COL4A6: variants seen among roughly 807,000 people sequenced by gnomAD.
COL4A6 encodes the protein collagen alpha-6(IV) chain.
COL4A6 carries 59 observed loss-of-function variants against 126.7 expected under a neutral mutation model. The observed-to-expected ratio is 0.47, with a 90% CI of 0.38 to 0.58. The LOEUF (loss-of-function observed/expected upper bound fraction) is 0.58. Among genes scored for constraint, COL4A6 ranks in the 20% least tolerant of loss-of-function variants. The pLI is 0.00. For synonymous variants in COL4A6, 547 were observed against 496.6 expected (o/e 1.10, Z -1.35); for missense variants, 1,285 against 1,337.3 (o/e 0.96, Z 0.61).
At chrX:108,201,063 G>C (rs773003535) in intron 13 of COL4A6, among the ~76,000 whole-genome samples, 1 of 111,778 alleles carries the variant, frequency 8.9e-6, no homozygotes, top group Non-Finnish European at 1.9e-5. Context: ...TTAAAATCAA[G>C]TGCATTGAAC....
At position 108,191,452 on chromosome X, in the gene COL4A6, G is replaced by C. The variant is rs763491430; in HGVS notation, c.1262C>G (p.Ala421Gly). Reference sequence around the variant, plus strand: ...ACCATCTCTGCCAGGGAGGCCAGCTGCTCCAATTGTGGTACGGCCTGGGTT... The same window carrying C: ...ACCATCTCTGCCAGGGAGGCCAGCTCCTCCAATTGTGGTACGGCCTGGGTT... Reference protein sequence around the residue: ...QGNPGRTTIGAAGLPGRDGLP... With the variant: ...QGNPGRTTIGGAGLPGRDGLP... Residue 421 changes from alanine to glycine, a missense_variant, in exon 19 of 45, where the codon GCA (alanine) becomes GGA (glycine). By Grantham distance (60) the Ala-to-Gly change is moderately conservative. Coordinates refer to ENST00000334504, the MANE Select transcript of COL4A6 (RefSeq NM_033641.4). 55 of 1,209,618 alleles carry C rather than the reference G, an allele frequency of 4.5e-5. No homozygotes were observed. Among genetic ancestry groups the C allele is most frequent in the Non-Finnish European group, 5.8e-5 (52 of 894,986 alleles).
intron 2 of COL4A6, among the ~76,000 whole-genome samples, chrX:108,436,372 T>G (rs1196793807): frequency 8.9e-6 from 1 of 112,338 alleles, no homozygotes; most frequent in African/African-American, 3.2e-5. Context: ...ATTAAAGTGG[T>G]TTTTAAAGGT....
At chrX:108,338,944 G>A (rs192643364) in intron 2 of COL4A6, among the ~76,000 whole-genome samples, 1,441 of 111,635 alleles carry the variant, frequency 0.013, 13 homozygotes, top group South Asian at 0.031. Flanking sequence ...GAGAGACATA[G>A]GATAGCCTGC....
At chrX:108,252,596 A>T (rs2036877783) in intron 3 of COL4A6, among the ~76,000 whole-genome samples, 1 of 111,529 alleles carries the variant, frequency 9.0e-6, no homozygotes, top group South Asian at 3.8e-4. Context: ...AACTAATACC[A>T]ATTCTTCTCA....
At chrX:108,311,737 T>C (rs1319253478) in intron 2 of COL4A6, among the ~76,000 whole-genome samples, 1 of 111,879 alleles carries the variant, frequency 8.9e-6, no homozygotes, top group Non-Finnish European at 1.9e-5. Context: ...CTTCCAATCA[T>C]ATCATTTCAT....
At chrX:108,218,413 C>A (rs1172231759) in intron 5 of COL4A6, among the ~76,000 whole-genome samples, 2 of 112,719 alleles carry the variant, frequency 1.8e-5, no homozygotes, top group East Asian at 5.6e-4. Context: ...TCCCACTGGT[C>A]TATTTCTGGG....
chrX:108,339,874 C>T (rs1338855557), intron 2 of COL4A6, among the ~76,000 whole-genome samples: 8 of 110,745 alleles, frequency 7.2e-5, no homozygotes, highest in Non-Finnish European at 1.5e-4. Flanking sequence ...CTTTAGTTAT[C>T]TTATTTTCTC....
chrX:108,159,851 C>T (rs778149900), intron 43 of COL4A6, 103 bp from the exon 44 acceptor site: 4 of 876,040 alleles, frequency 4.6e-6, no homozygotes, highest in Non-Finnish European at 6.7e-6. Flanking sequence ...CAGACTGAGG[C>T]AGCCCTCTCC....
intron 11 of COL4A6, 166 bp from the exon 12 acceptor site, chrX:108,204,578 A>T (rs2035488715): frequency 1.8e-6 from 1 of 542,592 alleles, no homozygotes; most frequent in South Asian, 2.4e-5. Context: ...AAAGGGTGAG[A>T]AGAATTATAA....
intron 2 of COL4A6, among the ~76,000 whole-genome samples, chrX:108,384,426 A>G (rs1474202867): frequency 8.9e-6 from 1 of 112,664 alleles, no homozygotes; most frequent in Non-Finnish European, 1.9e-5. Context: ...GCAAATATGA[A>G]TGACTGTTTT....
chrX:108,230,780 T>C (rs1212910113), intron 3 of COL4A6, among the ~76,000 whole-genome samples: 3 of 111,191 alleles, frequency 2.7e-5, no homozygotes, highest in Non-Finnish European at 5.7e-5. Flanking sequence ...AGTGGAAGAG[T>C]TACATCAGAG....
At chrX:108,413,887 A>T (rs1289049911) in intron 2 of COL4A6, among the ~76,000 whole-genome samples, 1 of 112,141 alleles carries the variant, frequency 8.9e-6, no homozygotes, top group African/African-American at 3.2e-5. Context: ...AGAGCTTTTC[A>T]GAACCATAAC....
chrX:108,204,580 G>A (rs2035488898), intron 11 of COL4A6, 168 bp from the exon 12 acceptor site: 5 of 542,762 alleles, frequency 9.2e-6, no homozygotes, highest in Non-Finnish European at 1.7e-5. Context: ...AGGGTGAGAA[G>A]AATTATAAGC....
intron 2 of COL4A6, among the ~76,000 whole-genome samples, chrX:108,423,870 A>G (rs2064026523): frequency 1.8e-5 from 2 of 111,351 alleles, no homozygotes; most frequent in African/African-American, 6.5e-5. Context: ...TTCCCTCTTA[A>G]CCACTTTTAT....
intron 2 of COL4A6, among the ~76,000 whole-genome samples, chrX:108,415,232 CAA>C (rs2041412029): frequency 8.9e-6 from 1 of 111,956 alleles, no homozygotes; most frequent in South Asian, 3.8e-4. Flanking sequence ...TTTCATGTGG[CAA>C]CTCAAATTTC....
chrX:108,347,779 C>T (rs983311697), intron 2 of COL4A6, among the ~76,000 whole-genome samples: 6 of 110,513 alleles, frequency 5.4e-5, no homozygotes, highest in Non-Finnish European at 9.4e-5. Context: ...TTTCTAACAG[C>T]GCCCCACTGG....
intron 31 of COL4A6, among the ~76,000 whole-genome samples, 175 bp from the exon 32 acceptor site, chrX:108,172,707 G>T (rs188531589): frequency 2.7e-5 from 3 of 111,832 alleles, no homozygotes; most frequent in African/African-American, 9.7e-5. Context: ...GGAAGGTGAT[G>T]AACAAAGGGC....
At position 108,172,536 on chromosome X, in the gene COL4A6, C is replaced by T. The variant is rs185777707; in HGVS notation, c.3139-4G>A. Reference sequence around the variant, plus strand: ...ACCCTCTGATACCTTGTGAACCCTTCGAAGCAATATGGGAATCATCATTTC... The same window carrying T: ...ACCCTCTGATACCTTGTGAACCCTTTGAAGCAATATGGGAATCATCATTTC... On this transcript the variant is annotated splice_region_variant and splice_polypyrimidine_tract_variant and intron_variant, in intron 31 of 44. Transcript: ENST00000334504. 8.5e-3 allele frequency: 10,156 copies of T among 1,194,948 alleles called. 51 individuals carry two copies. Among genetic ancestry groups the T allele is most frequent in the Non-Finnish European group, 9.4e-3 (8,293 of 885,425 alleles).
intron 31 of COL4A6, among the ~76,000 whole-genome samples, chrX:108,173,077 C>A (rs1398317387): frequency 8.9e-6 from 1 of 112,668 alleles, no homozygotes; most frequent in East Asian, 2.8e-4. Context: ...CCTTCACTGG[C>A]TAATGTCCAA....
Sources: allele counts gnomAD v4.1 joint callset (sites outside exome capture counted in the v4.1 genomes callset), GRCh38; gene constraint gnomAD v4.1.1; transcripts MANE v1.5; gene names NCBI Gene and HGNC (gene_info 2026-07-23, HGNC 2026-07-21).